TCF4: variants seen among roughly 807,000 people sequenced by gnomAD.
TCF4 encodes transcription factor 4, also known as SL3-3 enhancer factor 2.
In TCF4, 3 loss-of-function variants were observed where a neutral mutation model predicts 82.1. The observed-to-expected ratio is 0.04, with a 90% confidence interval of 0.02 to 0.09. The LOEUF is 0.09. Ranked by LOEUF, TCF4 falls within the 10% of genes least tolerant of loss-of-function variation. The probability of loss-of-function intolerance (pLI) is 1.00; values close to 1 mark genes in which losing one functional copy is unlikely to be tolerated. For missense variants in TCF4, 518 were observed against 852.7 expected (o/e 0.61, Z 4.89); for synonymous variants, 276 against 309.6 (o/e 0.89, Z 1.14).
chr18:55,568,026 T>C lies in TCF4; in HGVS notation c.145+17254A>G, dbSNP rs375364870. Among the ~76,000 whole-genome samples, 5 of 151,956 alleles carry C rather than the reference T, an allele frequency of 3.3e-5. No homozygotes were observed. In the East Asian group the frequency reaches 7.7e-4, roughly 23 times the overall value. On this transcript the variant is annotated intron_variant, in intron 3 of 19. Coordinates refer to ENST00000354452, the MANE Select transcript of TCF4 (RefSeq NM_001083962.2). ...CATACTGTAAATATTAAAATACTTA[T>C]AAGATGATGAAAATGTAATAAATTA...
At chr18:55,351,238 TA>T (rs1006396172) in intron 6 of TCF4, 5 of 488,982 alleles carry the variant, frequency 1.0e-5, no homozygotes, top group African/African-American at 3.9e-5. Flanking sequence ...CTTTAAACAA[TA>T]TTTTTTTAAG....
At chr18:55,420,699 A>T (rs951731821) in intron 5 of TCF4, among the ~76,000 whole-genome samples, 1 of 152,208 alleles carries the variant, frequency 6.6e-6, no homozygotes, top group Non-Finnish European at 1.5e-5. Flanking sequence ...AATTACAAGG[A>T]TCTGCTTCTC....
chr18:55,310,156 G>A (rs1312032585), intron 8 of TCF4, among the ~76,000 whole-genome samples: 4 of 152,172 alleles, frequency 2.6e-5, no homozygotes, highest in Non-Finnish European at 5.9e-5. Context: ...ACACATCAGT[G>A]TGATTTTACT....
At chr18:55,529,011 C>A (rs2097026386) in intron 3 of TCF4, among the ~76,000 whole-genome samples, 1 of 152,074 alleles carries the variant, frequency 6.6e-6, no homozygotes, top group Non-Finnish European at 1.5e-5. Context: ...AACCCCATCT[C>A]CACTAAATAT....
intron 3 of TCF4, among the ~76,000 whole-genome samples, chr18:55,468,887 C>CG (rs1568136706): frequency 6.5e-5 from 8 of 123,990 alleles, no homozygotes; most frequent in East Asian, 5.0e-4. Context: ...TCTCGCCCCC[C>CG]CCCCCCTTGT....
upstream of TCF4, among the ~76,000 whole-genome samples, chr18:55,592,821 G>T (rs2097687044): frequency 6.6e-6 from 1 of 152,186 alleles, no homozygotes; most frequent in Non-Finnish European, 1.5e-5. Flanking sequence ...CCATGAGTAA[G>T]CAGAGGAAAC....
intron 5 of TCF4, among the ~76,000 whole-genome samples, chr18:55,431,898 C>G (rs1161352789): frequency 1.3e-5 from 2 of 152,114 alleles, no homozygotes; most frequent in East Asian, 3.9e-4. Flanking sequence ...ACTAGAGAAG[C>G]AAGAGGACAT....
intron 2 of TCF4, among the ~76,000 whole-genome samples, chr18:55,609,318 T>C (rs1228553709): frequency 6.6e-6 from 1 of 152,124 alleles, no homozygotes; most frequent in African/African-American, 2.4e-5. Context: ...GGAAGACTCA[T>C]ACGGGGGGCA....
At chr18:55,418,139 G>A (rs1158060210) in intron 5 of TCF4, among the ~76,000 whole-genome samples, 1 of 151,758 alleles carries the variant, frequency 6.6e-6, no homozygotes, top group Non-Finnish European at 1.5e-5. Flanking sequence ...TAATGATTAA[G>A]AGAAACATGC....
At chr18:55,350,308 C>T (rs569462082) in intron 8 of TCF4, 51 bp downstream of exon 8, 3 of 1,578,344 alleles carry the variant, frequency 1.9e-6, no homozygotes, top group African/African-American at 1.3e-5. Context: ...CCCATCAATA[C>T]AAAACAGAAC....
At chr18:55,469,018 C>T (rs572297457) in intron 3 of TCF4, among the ~76,000 whole-genome samples, 10 of 152,040 alleles carry the variant, frequency 6.6e-5, no homozygotes, top group Non-Finnish European at 1.0e-4. Flanking sequence ...GAAATGGGCT[C>T]AGTTCAAGAT....
At chr18:55,269,432 G>C in intron 11 of TCF4, 2 of 298,964 alleles carry the variant, frequency 6.7e-6, no homozygotes, top group South Asian at 3.4e-5. Flanking sequence ...TCATGGATAA[G>C]AGCCTAGCAC....
intron 14 of TCF4, among the ~76,000 whole-genome samples, chr18:55,256,621 A>T (rs1352580969): frequency 6.6e-6 from 1 of 152,120 alleles, no homozygotes; most frequent in Non-Finnish European, 1.5e-5. Flanking sequence ...GATAGGAGGG[A>T]GAAAAGAAAA....
intron 13 of TCF4, chr18:55,259,695 G>T (rs1209955921): frequency 6.4e-6 from 3 of 471,098 alleles, no homozygotes; most frequent in African/African-American, 3.9e-5. Flanking sequence ...TAAGAAAAGT[G>T]TAAGAAATAC....
In TCF4 at chr18:55,544,629, T is replaced by C. The variant is rs186018627; in HGVS notation, c.145+40651A>G. ...GCTCTTGGGGTCAGATACTAACTAT[T>C]ATATATTACAATACCACAAATAAAG... On this transcript the variant is annotated intron_variant, in intron 3 of 19. Coordinates refer to ENST00000354452, the MANE Select transcript of TCF4 (RefSeq NM_001083962.2). Among the ~76,000 whole-genome samples the C allele has an allele frequency of 1.6e-4, 25 of 152,276 alleles. No individual in the cohort carries two copies. The East Asian group carries it at 4.8e-3, about 29-fold the overall frequency.
chr18:55,511,909 T>C (rs1651206963), intron 3 of TCF4, among the ~76,000 whole-genome samples: 1 of 152,006 alleles, frequency 6.6e-6, no homozygotes, highest in South Asian at 2.1e-4. Flanking sequence ...TAATTAATCA[T>C]TGCTGCAAAG....
intron 8 of TCF4, among the ~76,000 whole-genome samples, chr18:55,324,852 A>G (rs1046640390): frequency 2.6e-5 from 4 of 152,156 alleles, no homozygotes; most frequent in African/African-American, 9.7e-5. Flanking sequence ...GGGGAAAAAA[A>G]TTCTTACCAG....
chr18:55,469,658 A>G (rs896312486), intron 3 of TCF4: 1 of 152,200 alleles, frequency 6.6e-6, no homozygotes, highest in Non-Finnish European at 1.5e-5. Context: ...GGTCAGCAAG[A>G]TCAAAACTAT....
At chr18:55,289,678 C>T (rs2064557918) in intron 8 of TCF4, among the ~76,000 whole-genome samples, 1 of 152,172 alleles carries the variant, frequency 6.6e-6, no homozygotes, top group Non-Finnish European at 1.5e-5. Flanking sequence ...AGCTTTGTGA[C>T]CTCTGAAAGC....
Sources: gnomAD v4.1 joint callset for allele counts (sites outside exome capture counted in the v4.1 genomes callset) on GRCh38, gnomAD v4.1.1 for gene constraint, MANE v1.5 for transcripts, NCBI Gene and HGNC (gene_info 2026-07-23, HGNC 2026-07-21) for gene names.